The following ARMC2 variants were observed in gnomAD, a reference collection of about 807,000 sequenced individuals.
The protein encoded by ARMC2 is armadillo repeat containing 2, also known as armadillo repeat-containing protein 2.
In ARMC2, 67 loss-of-function variants were observed where a neutral mutation model predicts 90.3. The ratio of observed to expected loss-of-function variants is 0.74; its 90% CI spans 0.61 to 0.91. The LOEUF (loss-of-function observed/expected upper bound fraction) is 0.91. Ranked by LOEUF, ARMC2 falls within the 40% of genes least tolerant of loss-of-function variation. ARMC2 has a pLI of 0.00. For missense variants in ARMC2, 920 were observed against 1,030.9 expected (o/e 0.89, Z 1.47); for synonymous variants, 393 against 393.0 (o/e 1.00, Z 0.00).
the ARMC2 span, among the ~76,000 whole-genome samples, chr6:109,002,864 G>A: frequency 6.6e-6 from 1 of 152,166 alleles, no homozygotes; most frequent in Non-Finnish European, 1.5e-5. Context: ...CAGCACTACA[G>A]GGCATGTTTT....
rs144751024 is a variant in ARMC2 at position 108,868,937 on chromosome 6, A to G, written c.405A>G (p.Leu135=). The G allele has an allele frequency of 3.1e-4, 497 of 1,613,840 alleles. No individual in the cohort carries two copies. The highest frequency in any genetic ancestry group is 3.9e-4 in the Non-Finnish European group (465 of 1,179,860). The part of the protein sequence containing the change: ...IRRVSNARAR[L]FRAASQRALL... Reference sequence around the variant, plus strand: ...GAGTAAGCAACGCCAGGGCTCGCTTATTCAGGGCTGCCTCCCAGCGGGCCC... The same window carrying G: ...GAGTAAGCAACGCCAGGGCTCGCTTGTTCAGGGCTGCCTCCCAGCGGGCCC... Residue 135 remains leucine, a synonymous_variant, in exon 4 of 18, where the codon TTA becomes TTG. Transcript: ENST00000392644.
In ARMC2 at chr6:108,888,237, T is replaced by C. The variant is rs114937675; in HGVS notation, c.672-6230T>C. 4.2e-3 allele frequency among the ~76,000 whole-genome samples: 638 copies of C among 152,314 alleles called. 3 individuals are homozygous for C. The highest frequency in any genetic ancestry group is 0.014 in the African/African-American group (598 of 41,562). On this transcript the variant is annotated intron_variant, in intron 5 of 17. Transcript: ENST00000392644. ...AGGAGTTTGCTGATGACATCAGTGA[T>C]GACCACAGCCATAATAGTAAACATG...
At chr6:109,005,392 G>A in the ARMC2 span, among the ~76,000 whole-genome samples, 1 of 152,034 alleles carries the variant, frequency 6.6e-6, no homozygotes, top group African/African-American at 2.4e-5. Context: ...CAATTTCTAG[G>A]CCTTTATCTT....
At chr6:109,052,670 T>A in the ARMC2 span, among the ~76,000 whole-genome samples, 2 of 152,226 alleles carry the variant, frequency 1.3e-5, no homozygotes, top group Non-Finnish European at 2.9e-5. Flanking sequence ...AGGTTTTATA[T>A]AAGTTACTGG....
At chr6:109,018,257 G>C in the ARMC2 span, among the ~76,000 whole-genome samples, 1 of 152,144 alleles carries the variant, frequency 6.6e-6, no homozygotes, top group Non-Finnish European at 1.5e-5. Context: ...ATTCAATGGA[G>C]ACTGCCAAAA....
the ARMC2 span, among the ~76,000 whole-genome samples, chr6:109,010,490 T>C: frequency 6.6e-6 from 1 of 152,238 alleles, no homozygotes; most frequent in Admixed American, 6.5e-5. Flanking sequence ...GTGGAATTTA[T>C]AGCAGTAGTT....
chr6:108,949,034 A>AT (rs1475003252), intron 12 of ARMC2, among the ~76,000 whole-genome samples: 4 of 152,230 alleles, frequency 2.6e-5, no homozygotes, highest in Non-Finnish European at 4.4e-5. Flanking sequence ...AAGAAAAAAA[A>AT]CAATCCAGCA....
At chr6:108,902,028 G>C (rs1772213196) in intron 7 of ARMC2, among the ~76,000 whole-genome samples, 1 of 152,222 alleles carries the variant, frequency 6.6e-6, no homozygotes, top group African/African-American at 2.4e-5. Context: ...CTCCTGCCAG[G>C]AGTACACGAT....
chr6:108,864,827 C>G (rs536123700), intron 3 of ARMC2, among the ~76,000 whole-genome samples: 1 of 152,156 alleles, frequency 6.6e-6, no homozygotes, highest in East Asian at 1.9e-4. Flanking sequence ...ATTGTGTCTT[C>G]TTTGACGGGG....
At chr6:108,965,743 C>T (rs1323123803) in intron 17 of ARMC2, among the ~76,000 whole-genome samples, 1 of 152,018 alleles carries the variant, frequency 6.6e-6, no homozygotes, top group Non-Finnish European at 1.5e-5. Context: ...CTCCTGGGCT[C>T]AAGTGATCCT....
rs1308123375 is a variant in ARMC2, at chr6:108,904,325, A to G, written c.943A>G (p.Ile315Val). ...MLGNKFKGRS[I>V]LLKTLCKLVD... ...TGGAAATAAATTTAAGGGAAGAAGT[A>G]TTCTCCTGAAGACCCTGTGTAAACT... is the stretch of plus-strand genomic sequence containing the variant. The change falls in exon 8 of 18, where the codon ATT becomes GTT. Residue 315 changes from isoleucine (I) to valine (V), a missense_variant. Physicochemically the swap from Ile to Val is conservative, Grantham distance 29. Coordinates refer to ENST00000392644, the MANE Select transcript of ARMC2 (RefSeq NM_032131.6). 2 of 1,613,960 alleles carry G rather than the reference A, an allele frequency of 1.2e-6. No individual in the cohort carries two copies. The highest frequency in any genetic ancestry group is 1.7e-5 in the Admixed American group (1 of 60,022).
the ARMC2 span, among the ~76,000 whole-genome samples, chr6:108,980,591 C>T: frequency 6.6e-6 from 1 of 151,268 alleles, no homozygotes; most frequent in South Asian, 2.1e-4. Flanking sequence ...TTTGCTGACA[C>T]TGCACCCACA....
the ARMC2 span, chr6:108,998,422 G>A: frequency 3.4e-6 from 5 of 1,483,884 alleles, no homozygotes; most frequent in Non-Finnish European, 4.6e-6. Flanking sequence ...TCTTAACAGG[G>A]TGGGTTTTTC....
intron 10 of ARMC2, among the ~76,000 whole-genome samples, chr6:108,925,898 A>G (rs979442339): frequency 6.6e-6 from 1 of 152,350 alleles, no homozygotes; most frequent in African/African-American, 2.4e-5. Flanking sequence ...TGTCACATAT[A>G]AATGTGGGCT....
the ARMC2 span, among the ~76,000 whole-genome samples, chr6:109,021,637 T>C: frequency 6.6e-6 from 1 of 152,084 alleles, no homozygotes; most frequent in Non-Finnish European, 1.5e-5. Context: ...AGACGGGGTT[T>C]CACTATGTTG....
the ARMC2 span, among the ~76,000 whole-genome samples, chr6:109,046,137 A>C: frequency 6.6e-6 from 1 of 151,492 alleles, no homozygotes; most frequent in Non-Finnish European, 1.5e-5. Flanking sequence ...TCTCCCTCTC[A>C]TGCGGAGCCG....
chr6:108,910,845 A>T, intron 8 of ARMC2, 54 bp from the exon 9 acceptor site: 1 of 848,746 alleles, frequency 1.2e-6, no homozygotes, highest in Non-Finnish European at 1.7e-6. Flanking sequence ...ATTTTTTTTA[A>T]TACAGCATGT....
intron 17 of ARMC2, among the ~76,000 whole-genome samples, chr6:108,971,201 ACT>A (rs1296268079): frequency 6.6e-6 from 1 of 151,996 alleles, no homozygotes; most frequent in East Asian, 1.9e-4. Context: ...TCCAGAGTAG[ACT>A]CTGTCTCGAA....
chr6:108,904,661 G>T (rs138387819), intron 8 of ARMC2, among the ~76,000 whole-genome samples: 2 of 133,332 alleles, frequency 1.5e-5, no homozygotes, highest in Non-Finnish European at 3.2e-5. Context: ...AAAAAAAAAA[G>T]AAGAAGAAGA....
Sources: allele counts gnomAD v4.1 joint callset (sites outside exome capture counted in the v4.1 genomes callset), GRCh38; gene constraint gnomAD v4.1.1; transcripts MANE v1.5; gene names NCBI Gene and HGNC (gene_info 2026-07-23, HGNC 2026-07-21).